AKAP6: variants seen among roughly 807,000 people sequenced by gnomAD.
AKAP6 encodes A-kinase anchoring protein 6, also known as A-kinase anchor protein 6.
AKAP6 carries 58 observed loss-of-function variants against 188.5 expected under a neutral mutation model. The observed-to-expected ratio is 0.31, with a 90% confidence interval of 0.25 to 0.38. AKAP6 has a LOEUF of 0.38. Among genes scored for constraint, AKAP6 ranks in the 10% least tolerant of loss-of-function variants. The pLI, the probability that AKAP6 is intolerant of heterozygous loss-of-function variation, is 1.00. For missense variants in AKAP6, 2,710 were observed against 2,740.0 expected, an observed-to-expected ratio of 0.99 and a Z score of 0.24; for synonymous variants, 989 against 998.6, an observed-to-expected ratio of 0.99 and a Z score of 0.18.
At position 32,791,709 on chromosome 14, in the gene AKAP6, G is replaced by C. The variant is rs1296045233; in HGVS notation, c.3588+17816G>C. Among the ~76,000 whole-genome samples the C allele has an allele frequency of 3.3e-5, 5 of 152,130 alleles. No homozygotes were observed. In the South Asian group the frequency reaches 8.3e-4, roughly 25 times the overall value. On this transcript the variant is annotated intron_variant, in intron 12 of 13. Coordinates refer to ENST00000280979, the MANE Select transcript of AKAP6 (RefSeq NM_004274.5). ...AAGTCTTTGCCCATGCCTATGTCCT[G>C]AATGATATTGCCTAGGTTTTCTTCT...
chr14:32,545,637 T>C lies in AKAP6; in HGVS notation c.984T>C (p.Ser328=). The C allele has an allele frequency of 6.2e-7, 1 of 1,614,182 alleles. No individual in the cohort carries two copies. Among genetic ancestry groups the C allele is most frequent in the East Asian group, 2.2e-5 (1 of 44,880 alleles). Reference sequence around the variant, plus strand: ...GCTTAACACTGGGGGTGTCATCATCTTCAGGAGAAGCTCTGACAAATGCTG... The same window carrying C: ...GCTTAACACTGGGGGTGTCATCATCCTCAGGAGAAGCTCTGACAAATGCTG... ...QPGLTLGVSS[S]SGEALTNAAQ... Residue 328 remains serine, a synonymous_variant, in exon 4 of 14, where the codon TCT becomes TCC. Transcript: ENST00000280979.
rs371065558 is a variant in AKAP6 at position 32,749,922 on chromosome 14, G to A, written c.3372+14040G>A. Among the ~76,000 whole-genome samples the A allele has an allele frequency of 8.2e-4, 125 of 152,148 alleles. 1 individual carries two copies. Among genetic ancestry groups the A allele is most frequent in the African/African-American group, 2.8e-3 (116 of 41,522 alleles). On this transcript the variant is annotated intron_variant, in intron 11 of 13. Coordinates refer to ENST00000280979, the MANE Select transcript of AKAP6 (RefSeq NM_004274.5). ...TAGTATATCCTTGCCTGTCCTTTTG[G>A]TATCAGTTTTCCACATTGTATTATT... is the stretch of plus-strand genomic sequence containing the variant.
At chr14:32,725,114 A>G (rs1181439643) in intron 9 of AKAP6, among the ~76,000 whole-genome samples, 1 of 151,252 alleles carries the variant, frequency 6.6e-6, no homozygotes, top group Non-Finnish European at 1.5e-5. Flanking sequence ...ACAGTAACAC[A>G]TGCCTGCTTA....
intron 2 of AKAP6, among the ~76,000 whole-genome samples, chr14:32,458,582 A>G (rs1351512420): frequency 6.6e-6 from 1 of 152,288 alleles, no homozygotes; most frequent in Middle Eastern, 3.4e-3. Context: ...TTACCATACA[A>G]AGTTATTATT....
At chr14:32,607,773 C>A (rs1416641658) in intron 7 of AKAP6, among the ~76,000 whole-genome samples, 7 of 152,116 alleles carry the variant, frequency 4.6e-5, no homozygotes, top group Non-Finnish European at 1.0e-4. Context: ...TCAATTCTAC[C>A]TCTTCTGTGC....
intron 1 of AKAP6, among the ~76,000 whole-genome samples, chr14:32,351,419 A>G (rs964437625): frequency 5.3e-5 from 8 of 152,134 alleles, no homozygotes; most frequent in Non-Finnish European, 8.8e-5. Context: ...AAAATTAGCC[A>G]GGTGTGGTGG....
At chr14:32,374,353 A>G (rs1383513655) in intron 1 of AKAP6, among the ~76,000 whole-genome samples, 1 of 152,220 alleles carries the variant, frequency 6.6e-6, no homozygotes, top group Non-Finnish European at 1.5e-5. Context: ...GTCATCCCAG[A>G]GGAGATGCTG....
intron 12 of AKAP6, among the ~76,000 whole-genome samples, chr14:32,777,877 A>C (rs1476101278): frequency 6.6e-6 from 1 of 152,062 alleles, no homozygotes; most frequent in Non-Finnish European, 1.5e-5. Context: ...ATTTCTACAA[A>C]ACAATACAAA....
chr14:32,446,135 ATT>A (rs1480601642), intron 2 of AKAP6, among the ~76,000 whole-genome samples: 1 of 152,208 alleles, frequency 6.6e-6, no homozygotes, highest in Non-Finnish European at 1.5e-5. Flanking sequence ...AAGATGGTGT[ATT>A]TTAGCTTATT....
At chr14:32,655,017 G>C (rs147439222) in intron 7 of AKAP6, among the ~76,000 whole-genome samples, 367 of 152,232 alleles carry the variant, frequency 2.4e-3, no homozygotes, top group African/African-American at 8.5e-3. Flanking sequence ...ATATTTTCAT[G>C]AGGAAATCAC....
At chr14:32,799,187 T>C (rs1280865972) in intron 12 of AKAP6, among the ~76,000 whole-genome samples, 1 of 152,188 alleles carries the variant, frequency 6.6e-6, no homozygotes, top group East Asian at 1.9e-4. Flanking sequence ...TTATCCTTGC[T>C]CTCCTCCTTT....
intron 1 of AKAP6, among the ~76,000 whole-genome samples, chr14:32,424,205 A>G (rs1889954087): frequency 6.6e-6 from 1 of 152,004 alleles, no homozygotes; most frequent in African/African-American, 2.4e-5. Flanking sequence ...TTCTTTTTTG[A>G]CAATCTTTTT....
chr14:32,458,169 G>T (rs1891206446), intron 2 of AKAP6, among the ~76,000 whole-genome samples: 2 of 152,050 alleles, frequency 1.3e-5, no homozygotes, highest in African/African-American at 4.8e-5. Flanking sequence ...TTTAAGAAGG[G>T]TGCCCAAAGT....
At chr14:32,427,133 T>A (rs1890059989) in intron 1 of AKAP6, among the ~76,000 whole-genome samples, 1 of 152,172 alleles carries the variant, frequency 6.6e-6, no homozygotes, top group African/African-American at 2.4e-5. Flanking sequence ...CCTATTGACG[T>A]GCTGTTTCCC....
intron 4 of AKAP6, among the ~76,000 whole-genome samples, chr14:32,572,814 C>G (rs183060748): frequency 1.2e-4 from 19 of 152,260 alleles, no homozygotes; most frequent in Admixed American, 5.9e-4. Context: ...TAACTTTTTA[C>G]CCTCACGAAG....
chr14:32,421,471 C>CT (rs1410520845), intron 1 of AKAP6, among the ~76,000 whole-genome samples: 1 of 151,938 alleles, frequency 6.6e-6, no homozygotes, highest in Non-Finnish European at 1.5e-5. Context: ...TCCCAGAGTC[C>CT]TTTTTTTGTT....
chr14:32,331,155 G>A (rs1248486563), intron 1 of AKAP6, among the ~76,000 whole-genome samples: 1 of 151,980 alleles, frequency 6.6e-6, no homozygotes, highest in African/African-American at 2.4e-5. Flanking sequence ...TATTTCTGAA[G>A]AAGAGCAATG....
At chr14:32,811,241 G>GAAAAAA (rs529886144) in intron 12 of AKAP6, among the ~76,000 whole-genome samples, 11 of 55,604 alleles carry the variant, frequency 2.0e-4, no homozygotes, top group Middle Eastern at 9.4e-3. Context: ...TCCGTCTCAG[G>GAAAAAA]AAAAAAAAAA....
chr14:32,595,074 T>TA (rs1336306532), intron 5 of AKAP6, among the ~76,000 whole-genome samples: 4 of 151,918 alleles, frequency 2.6e-5, no homozygotes, highest in Admixed American at 6.6e-5. Context: ...CTTTTTTAAT[T>TA]AAAAAAAATA....
Sources: gnomAD v4.1 joint callset for allele counts (sites outside exome capture counted in the v4.1 genomes callset) on GRCh38, gnomAD v4.1.1 for gene constraint, MANE v1.5 for transcripts, NCBI Gene and HGNC (gene_info 2026-07-23, HGNC 2026-07-21) for gene names.